LRRTM4: variants seen among roughly 807,000 people sequenced by gnomAD.
LRRTM4 encodes leucine-rich repeat transmembrane neuronal protein 4.
Under a neutral mutation model 47.6 loss-of-function variants are expected in LRRTM4, and 25 were observed. The observed-to-expected ratio is 0.53, with a 90% confidence interval of 0.38 to 0.73. The LOEUF (loss-of-function observed/expected upper bound fraction) is 0.73, where lower values mean the gene tolerates loss of function less well. LRRTM4 is among the 30% of genes least tolerant of loss of function. LRRTM4 has a pLI of 0.00. For missense variants in LRRTM4, 638 were observed against 713.4 expected (o/e 0.89, Z 1.20); for synonymous variants, 311 against 269.5 (o/e 1.15, Z -1.51).
At chr2:76,906,391 C>A (rs1374038349) in intron 3 of LRRTM4, among the ~76,000 whole-genome samples, 2 of 152,070 alleles carry the variant, frequency 1.3e-5, no homozygotes, top group African/African-American at 4.8e-5. Flanking sequence ...GCTGCAAAGT[C>A]ATGCCAAATT....
intron 3 of LRRTM4, among the ~76,000 whole-genome samples, chr2:77,400,145 T>C (rs190295607): frequency 1.3e-5 from 2 of 152,040 alleles, no homozygotes; most frequent in Admixed American, 1.3e-4. Flanking sequence ...CATATTTATA[T>C]GTCTTTCTGT....
rs534811840 is a variant in LRRTM4, at chr2:77,379,660, C to T, written c.1551+138658G>A. 3.2e-4 allele frequency among the ~76,000 whole-genome samples: 48 copies of T among 152,060 alleles called. No individual in the cohort carries two copies. The South Asian group carries it at 8.1e-3, about 26-fold the overall frequency. On this transcript the variant is annotated intron_variant, in intron 3 of 3. Coordinates refer to ENST00000409884, the MANE Select transcript of LRRTM4 (RefSeq NM_001134745.3). ...TATTTTTCTTCTTGCTTTTTAATTA[C>T]GCCTTTGTGATAATTCTTTAGATAA...
intron 3 of LRRTM4, among the ~76,000 whole-genome samples, chr2:77,035,241 T>C (rs1031604094): frequency 1.9e-4 from 28 of 150,974 alleles, no homozygotes; most frequent in African/African-American, 6.6e-4. Context: ...GATGTCCAGA[T>C]TCACACATAG....
chr2:77,388,702 T>C (rs1673382964), intron 3 of LRRTM4, among the ~76,000 whole-genome samples: 2 of 152,112 alleles, frequency 1.3e-5, no homozygotes, highest in Admixed American at 6.6e-5. Context: ...CTGGATGTTT[T>C]CTGTAAGTCT....
At chr2:77,374,399 G>C (rs1052653439) in intron 3 of LRRTM4, among the ~76,000 whole-genome samples, 1 of 151,760 alleles carries the variant, frequency 6.6e-6, no homozygotes, top group Non-Finnish European at 1.5e-5. Context: ...CTAACACACA[G>C]TACCCATTTC....
intron 3 of LRRTM4, among the ~76,000 whole-genome samples, chr2:76,797,297 T>A (rs1393548776): frequency 6.6e-6 from 1 of 150,880 alleles, no homozygotes; most frequent in Non-Finnish European, 1.5e-5. Flanking sequence ...CAGAAGAGAG[T>A]GGGGGCCAAT....
intron 3 of LRRTM4, among the ~76,000 whole-genome samples, chr2:76,987,761 C>G (rs1676854359): frequency 6.6e-6 from 1 of 151,760 alleles, no homozygotes; most frequent in Non-Finnish European, 1.5e-5. Context: ...TGTAGATGCA[C>G]TAACATGAGC....
intron 3 of LRRTM4, among the ~76,000 whole-genome samples, chr2:76,962,626 A>G (rs1188111877): frequency 1.3e-5 from 2 of 150,914 alleles, no homozygotes; most frequent in African/African-American, 4.8e-5. Flanking sequence ...AAATAAAAAT[A>G]AATGAAATAA....
intron 3 of LRRTM4, among the ~76,000 whole-genome samples, chr2:76,933,232 T>G (rs1010350673): frequency 1.3e-5 from 2 of 152,098 alleles, no homozygotes; most frequent in Non-Finnish European, 2.9e-5. Context: ...ATGAAAATTG[T>G]TTCTAAACAA....
At chr2:76,998,555 A>G (rs1430226387) in intron 3 of LRRTM4, among the ~76,000 whole-genome samples, 1 of 152,166 alleles carries the variant, frequency 6.6e-6, no homozygotes, top group Non-Finnish European at 1.5e-5. Context: ...ATGAAGTCAA[A>G]AACTTCAGGA....
intron 3 of LRRTM4, among the ~76,000 whole-genome samples, chr2:77,013,173 CA>C (rs11286291): frequency 0.13 from 19,748 of 152,106 alleles, 1,539 homozygotes; most frequent in Non-Finnish European, 0.18. Flanking sequence ...TGGGCTGAAT[CA>C]GGAGGGAAAG....
chr2:76,972,737 CTCTT>C lies in LRRTM4; in HGVS notation c.1552-223825_1552-223822del, dbSNP rs200037012. On this transcript the variant is annotated intron_variant, in intron 3 of 3. Coordinates refer to ENST00000409884, the MANE Select transcript of LRRTM4 (RefSeq NM_001134745.3). ...GCCCAGCCTGAACAACTTTTATACC[CTCTT>C]TCTGTGTGCAGTGTGGTAGTGTAAA... Among the ~76,000 whole-genome samples, 1,128 of 152,016 alleles carry C rather than the reference CTCTT, an allele frequency of 7.4e-3. 11 individuals are homozygous for C. The highest frequency in any genetic ancestry group is 0.026 in the African/African-American group (1,062 of 41,510).
chr2:77,260,374 CG>C, intron 3 of LRRTM4, among the ~76,000 whole-genome samples: 1 of 140,398 alleles, frequency 7.1e-6, no homozygotes, highest in Non-Finnish European at 1.6e-5. Context: ...ACCAAAAAAT[CG>C]TGTGTGTGTG....
At chr2:76,994,646 T>A (rs1296218725) in intron 3 of LRRTM4, among the ~76,000 whole-genome samples, 3 of 151,974 alleles carry the variant, frequency 2.0e-5, no homozygotes, top group African/African-American at 7.2e-5. Context: ...TAAGAAATAT[T>A]ATGAAATATT....
Position 76,946,040 on chromosome 2 carries a change from A to AT in LRRTM4, c.1552-197125dup, listed in dbSNP as rs137981476. ...CAATGCAATATCACTAAAGTATAGC[A>AT]TTTTGCCAAGTTTCATACACATAGG... On this transcript the variant is annotated intron_variant, in intron 3 of 3. Transcript: ENST00000409884. Among the ~76,000 whole-genome samples the AT allele has an allele frequency of 5.9e-3, 899 of 151,940 alleles. 5 individuals carry two copies. Among genetic ancestry groups the AT allele is most frequent in the Middle Eastern group, 0.034 (10 of 294 alleles).
chr2:77,006,441 G>C (rs1237041758), intron 3 of LRRTM4, among the ~76,000 whole-genome samples: 1 of 152,130 alleles, frequency 6.6e-6, no homozygotes, highest in East Asian at 1.9e-4. Context: ...CAAAAGTAAA[G>C]CTTCCAGAAA....
chr2:77,480,833 GAGAGAGAGA>G (rs1558763603), intron 3 of LRRTM4, among the ~76,000 whole-genome samples: 5 of 49,160 alleles, frequency 1.0e-4, no homozygotes, highest in Non-Finnish European at 1.9e-4. Flanking sequence ...GAGAGAGAGA[GAGAGAGAGA>G]GAGAGAGAGA....
chr2:77,288,519 A>G (rs1249118010), intron 3 of LRRTM4, among the ~76,000 whole-genome samples: 5 of 152,020 alleles, frequency 3.3e-5, no homozygotes, highest in Non-Finnish European at 4.4e-5. Flanking sequence ...AAACTATAAA[A>G]AAGACTATAC....
At chr2:77,146,072 A>G (rs1260030268) in intron 3 of LRRTM4, among the ~76,000 whole-genome samples, 1 of 152,054 alleles carries the variant, frequency 6.6e-6, no homozygotes, top group African/African-American at 2.4e-5. Flanking sequence ...CTCTCTGTTG[A>G]TGATATATAT....
Sources: allele counts gnomAD v4.1 joint callset (sites outside exome capture counted in the v4.1 genomes callset), GRCh38; gene constraint gnomAD v4.1.1; transcripts MANE v1.5; gene names NCBI Gene and HGNC (gene_info 2026-07-23, HGNC 2026-07-21).